AKT3: variants seen among roughly 807,000 people sequenced by gnomAD.
AKT3 encodes RAC-gamma serine/threonine-protein kinase.
A neutral mutation model predicts 65.3 loss-of-function variants in AKT3; 15 were observed. The ratio of observed to expected loss-of-function variants is 0.23; its 90% CI spans 0.15 to 0.35. The LOEUF (loss-of-function observed/expected upper bound fraction) is 0.35, where lower values mean the gene tolerates loss of function less well. AKT3 is among the 10% of genes least tolerant of loss of function. AKT3 has a pLI of 1.00. For synonymous variants in AKT3, 206 were observed against 183.8 expected, an observed-to-expected ratio of 1.12 and a Z score of -0.98; for missense variants, 243 against 576.5, an observed-to-expected ratio of 0.42 and a Z score of 5.92.
chr1:243,543,721 G>T (rs1672469036), intron 12 of AKT3, among the ~76,000 whole-genome samples: 1 of 152,194 alleles, frequency 6.6e-6, no homozygotes, highest in African/African-American at 2.4e-5. Flanking sequence ...TTGTCTGTAA[G>T]AAGTGAATAA....
intron 2 of AKT3, among the ~76,000 whole-genome samples, chr1:243,749,229 A>C (rs1366695334): frequency 1.3e-5 from 2 of 152,288 alleles, no homozygotes; most frequent in Non-Finnish European, 2.9e-5. Flanking sequence ...TTTTATGTGG[A>C]ACTCTTCTGA....
At chr1:243,577,628 G>C (rs544812753) in intron 8 of AKT3, among the ~76,000 whole-genome samples, 1 of 152,228 alleles carries the variant, frequency 6.6e-6, no homozygotes, top group South Asian at 2.1e-4. Context: ...CAGGACATAG[G>C]TACGGGCAAT....
chr1:243,726,929 CCTT>C (rs897509447), intron 2 of AKT3, among the ~76,000 whole-genome samples: 1 of 152,206 alleles, frequency 6.6e-6, no homozygotes, highest in Non-Finnish European at 1.5e-5. Context: ...CTGCCAATCA[CCTT>C]CTACTTAGGC....
intron 6 of AKT3, among the ~76,000 whole-genome samples, chr1:243,623,479 C>T (rs533966232): frequency 4.6e-5 from 7 of 152,210 alleles, no homozygotes; most frequent in South Asian, 2.1e-4. Flanking sequence ...GAAATATTCA[C>T]CCACAATGTG....
intron 4 of AKT3, among the ~76,000 whole-genome samples, chr1:243,662,348 T>C (rs1454966667): frequency 2.6e-5 from 4 of 151,858 alleles, no homozygotes; most frequent in Non-Finnish European, 5.9e-5. Flanking sequence ...AAATGTGGCA[T>C]AAATACACCA....
At position 243,657,181 on chromosome 1, in the gene AKT3, C is replaced by A. The variant is rs558914258; in HGVS notation, c.284+7591G>T. On this transcript the variant is annotated intron_variant, in intron 4 of 13. Coordinates refer to ENST00000673466, the MANE Select transcript of AKT3 (RefSeq NM_005465.7). ...TTTATAGAAAAGTCCTCAGAGAGTT[C>A]CTTTGGCACTTTTACTAGGTGACAA... 1.6e-4 allele frequency among the ~76,000 whole-genome samples: 24 copies of A among 152,208 alleles called. 1 individual carries two copies. The South Asian group carries it at 4.4e-3, about 28-fold the overall frequency.
intron 2 of AKT3, among the ~76,000 whole-genome samples, chr1:243,805,206 CAG>C (rs1225629757): frequency 3.9e-5 from 6 of 152,144 alleles, no homozygotes; most frequent in Admixed American, 3.3e-4. Flanking sequence ...TTCTGTTCCT[CAG>C]TAATTCTTCC....
chr1:243,621,065 A>G (rs1007618367), intron 6 of AKT3, among the ~76,000 whole-genome samples: 4 of 152,020 alleles, frequency 2.6e-5, no homozygotes, highest in African/African-American at 9.7e-5. Flanking sequence ...GTCACTCTTC[A>G]ATTTCTCAGG....
intron 3 of AKT3, among the ~76,000 whole-genome samples, chr1:243,682,011 GCAAA>G (rs1401164985): frequency 2.0e-5 from 3 of 151,674 alleles, no homozygotes; most frequent in Non-Finnish European, 2.9e-5. Flanking sequence ...AATATAATGG[GCAAA>G]CAATCATCTT....
Position 243,499,937 on chromosome 1 carries a change from C to A in AKT3, c.*5312G>T. On this transcript the variant is annotated 3_prime_UTR_variant, in exon 14 of 14. Coordinates refer to ENST00000673466, the MANE Select transcript of AKT3 (RefSeq NM_005465.7). ...TGGTCCTCATCAACGCGGGCGCTGT[C>A]CCCGCACGCAGTCGGGCTGGAGCTG... The A allele has an allele frequency of 1.4e-6, 1 of 718,562 alleles. No homozygotes were observed. The highest frequency in any genetic ancestry group is 2.7e-5 in the East Asian group (1 of 37,096). 44.5% of individuals were successfully genotyped at this position (718,562 alleles called of 1,614,324 possible).
intron 8 of AKT3, among the ~76,000 whole-genome samples, chr1:243,595,426 TAATTAA>T (rs1194243997): frequency 6.6e-6 from 1 of 152,186 alleles, no homozygotes; most frequent in African/African-American, 2.4e-5. Flanking sequence ...ATGTATAAAA[TAATTAA>T]AATTATTTTT....
At chr1:243,832,758 G>A (rs1040395423) in intron 2 of AKT3, among the ~76,000 whole-genome samples, 1 of 152,154 alleles carries the variant, frequency 6.6e-6, no homozygotes, top group Non-Finnish European at 1.5e-5. Context: ...GAAAGTGAGA[G>A]GGAGATCTCA....
intron 2 of AKT3, among the ~76,000 whole-genome samples, chr1:243,796,054 G>A (rs557887613): frequency 5.9e-5 from 9 of 152,032 alleles, no homozygotes; most frequent in East Asian, 5.8e-4. Flanking sequence ...TGGGAGCTTC[G>A]GACAAACACA....
At chr1:243,665,964 T>A (rs1682740268) in intron 3 of AKT3, among the ~76,000 whole-genome samples, 1 of 152,320 alleles carries the variant, frequency 6.6e-6, no homozygotes, top group Admixed American at 6.5e-5. Flanking sequence ...GCCATTTCTA[T>A]CTCTTTATAG....
At chr1:243,637,584 A>C (rs764727307) in intron 6 of AKT3, 27 bp downstream of exon 6, 1 of 1,565,710 alleles carries the variant, frequency 6.4e-7, no homozygotes, top group Non-Finnish European at 8.7e-7. Context: ...ACAAAAATTT[A>C]GTAATCAACT....
chr1:243,583,558 A>G (rs1675574261), intron 8 of AKT3, among the ~76,000 whole-genome samples: 1 of 54,784 alleles, frequency 1.8e-5, no homozygotes, highest in African/African-American at 3.2e-5. Context: ...AAAAAAAAAG[A>G]AAAAAAAAAG....
chr1:243,720,834 C>A (rs1686847686), intron 2 of AKT3, among the ~76,000 whole-genome samples: 1 of 152,146 alleles, frequency 6.6e-6, no homozygotes, highest in Admixed American at 6.5e-5. Context: ...ACGGTATATA[C>A]TCTTGAGAAA....
intron 9 of AKT3, among the ~76,000 whole-genome samples, chr1:243,569,824 G>T (rs1042425465): frequency 6.6e-6 from 1 of 152,104 alleles, no homozygotes; most frequent in East Asian, 1.9e-4. Flanking sequence ...TTCAGCCTAC[G>T]CTGTGCTTAG....
rs147115259 is a variant in AKT3 at position 243,823,423 on chromosome 1, A to C, written c.46+19702T>G. On this transcript the variant is annotated intron_variant, in intron 2 of 13. Transcript: ENST00000673466. ...TAACATAGTATTGGAAGTTCTGGCCAAGGCAATCATGCGAGAGAAATTAAG... is the reference window on the plus strand; with the variant it reads ...TAACATAGTATTGGAAGTTCTGGCCCAGGCAATCATGCGAGAGAAATTAAG... Among the ~76,000 whole-genome samples, 28 of 152,318 alleles carry C rather than the reference A, an allele frequency of 1.8e-4. No homozygotes were observed. The East Asian group carries it at 5.4e-3, about 29-fold the overall frequency.
Sources: gnomAD v4.1 joint callset for allele counts (sites outside exome capture counted in the v4.1 genomes callset) on GRCh38, gnomAD v4.1.1 for gene constraint, MANE v1.5 for transcripts, NCBI Gene and HGNC (gene_info 2026-07-23, HGNC 2026-07-21) for gene names.